Variants in TTLL3 observed in about 807,000 individuals in gnomAD.
The protein encoded by TTLL3 is tubulin tyrosine ligase like 3, also known as tubulin monoglycylase TTLL3.
In TTLL3, 63 loss-of-function variants were observed where a neutral mutation model predicts 75.2. The ratio of observed to expected loss-of-function variants is 0.84; its 90% CI spans 0.68 to 1.03. The LOEUF is 1.03. TTLL3 is among the 50% of genes least tolerant of loss of function. TTLL3 has a pLI of 0.00. For missense variants in TTLL3, 997 were observed against 1,069.9 expected (o/e 0.93, Z 0.95); for synonymous variants, 393 against 418.5 (o/e 0.94, Z 0.74).
chr3:9,810,705 T>A lies in TTLL3; in HGVS notation c.44T>A (p.Val15Asp). 1 of 1,585,652 alleles carries A rather than the reference T, an allele frequency of 6.3e-7. No individual in the cohort carries two copies. Among genetic ancestry groups the A allele is most frequent in the Admixed American group, 1.8e-5 (1 of 54,680 alleles). Residue 15 changes from valine (V) to aspartate (D), a missense_variant, in exon 2 of 14, where the codon GTC (valine) becomes GAC (aspartate). By Grantham distance (152) the Val-to-Asp change is radical (BLOSUM62 -3). Coordinates refer to ENST00000685419, the MANE Select transcript of TTLL3 (RefSeq NM_001387446.1). The surrounding 1 kb of genome is among the most constrained non-coding windows in gnomAD (Gnocchi z 4.4). ...RNAKIYVERA[V>D]KQKKIFTIQG... ...GCCAAAATCTACGTGGAGAGAGCTG[T>A]CAAGGTCAGAGGAGGGGCAGGGGCG... is the stretch of plus-strand genomic sequence containing the variant.
At chr3:9,810,256 G>T, upstream of TTLL3, 1 of 1,508,964 alleles carries the variant, frequency 6.6e-7, no homozygotes, top group Non-Finnish European at 8.8e-7. This position sits in a 1 kb window ranked among gnomAD's most constrained non-coding sequence, Gnocchi z 4.4. Flanking sequence ...CAGATGCCAG[G>T]CGGGCAGCCC....
At chr3:9,821,747 A>G (rs1207696669) in intron 8 of TTLL3, among the ~76,000 whole-genome samples, 1 of 152,250 alleles carries the variant, frequency 6.6e-6, no homozygotes, top group Non-Finnish European at 1.5e-5. Flanking sequence ...TCACGCCTGT[A>G]ATCCCAGCAC....
At chr3:9,817,318 G>A (rs946101919) in intron 5 of TTLL3, 1 of 519,074 alleles carries the variant, frequency 1.9e-6, no homozygotes. Context: ...CAGCTACTCT[G>A]GAGGCCGAGG....
At chr3:9,818,041 C>T in intron 6 of TTLL3, 1 of 324,444 alleles carries the variant, frequency 3.1e-6, no homozygotes, top group Non-Finnish European at 5.7e-6. Context: ...GAATCCAGAA[C>T]AGATTCCAGG....
chr3:9,827,474 C>G (rs542601573), intron 10 of TTLL3: 9 of 621,030 alleles, frequency 1.4e-5, no homozygotes, highest in Non-Finnish European at 2.1e-5. Flanking sequence ...ATGGTCACGG[C>G]TCACTGTAGC....
chr3:9,810,161 C>T (rs1162361137), upstream of TTLL3: 5 of 1,471,832 alleles, frequency 3.4e-6, no homozygotes, highest in Non-Finnish European at 4.5e-6. The surrounding 1 kb of genome is among the most constrained non-coding windows in gnomAD (Gnocchi z 4.4). Context: ...TTCCCCTCGG[C>T]GCGCCGCTCC....
At chr3:9,832,554 T>C (rs2124989435) in intron 11 of TTLL3, among the ~76,000 whole-genome samples, 1 of 152,320 alleles carries the variant, frequency 6.6e-6, no homozygotes, top group South Asian at 2.1e-4. Context: ...CTTGGCCTGA[T>C]AGGAACTGAG....
chr3:9,812,440 G>A (rs1470347551), intron 2 of TTLL3, among the ~76,000 whole-genome samples: 3 of 152,068 alleles, frequency 2.0e-5, no homozygotes, highest in African/African-American at 4.8e-5. Context: ...GCTCGAACCC[G>A]GGAGGTGGAG....
chr3:9,814,603 G>A (rs572718511), intron 4 of TTLL3, among the ~76,000 whole-genome samples: 35 of 149,026 alleles, frequency 2.3e-4, no homozygotes, highest in South Asian at 2.3e-3. Flanking sequence ...AGCTGAGATC[G>A]CGCCACTGCA....
At chr3:9,833,853 A>G (rs1481375740) in intron 12 of TTLL3, among the ~76,000 whole-genome samples, 1 of 151,812 alleles carries the variant, frequency 6.6e-6, no homozygotes, top group Non-Finnish European at 1.5e-5. Flanking sequence ...AAACAAAGAC[A>G]CAAAAAAAGC....
At position 9,829,250 on chromosome 3, in the gene TTLL3, T is replaced by C. The variant is rs2081316163; in HGVS notation, c.1538T>C (p.Ile513Thr). 1.2e-6 allele frequency: 2 copies of C among 1,614,178 alleles called. No homozygotes were observed. Among genetic ancestry groups the C allele is most frequent in the South Asian group, 1.1e-5 (1 of 91,084 alleles). The change falls in exon 11 of 14, where the codon ATC becomes ACC. Residue 513 changes from isoleucine to threonine, a missense_variant. Transcript: ENST00000685419. ...GEDFQPWLIE[I>T]NASPTMAPST... ...GACTTCCAGCCCTGGCTGATTGAGATCAACGCCAGCCCCACGATGGCACCC... is the reference window on the plus strand; with the variant it reads ...GACTTCCAGCCCTGGCTGATTGAGACCAACGCCAGCCCCACGATGGCACCC...
At chr3:9,819,538 G>T in intron 7 of TTLL3, 2 of 987,882 alleles carry the variant, frequency 2.0e-6, no homozygotes, top group Non-Finnish European at 2.4e-6. Flanking sequence ...GTGAAACTGG[G>T]CTTTACACAT....
At chr3:9,834,446 A>G (rs768341507) in intron 12 of TTLL3, 21 of 719,166 alleles carry the variant, frequency 2.9e-5, no homozygotes, top group Non-Finnish European at 4.5e-5. Flanking sequence ...CAGGAAGTTT[A>G]AGGAAGTTGC....
At chr3:9,828,230 T>C (rs369562121) in intron 10 of TTLL3, 1 of 151,964 alleles carries the variant, frequency 6.6e-6, no homozygotes, top group East Asian at 1.9e-4. Flanking sequence ...TCAGGAGTTT[T>C]GAAAACTAAG....
At position 9,835,767 on chromosome 3, in the gene TTLL3, C is replaced by T. The variant is rs537071941; in HGVS notation, c.*278C>T. The T allele has an allele frequency of 1.2e-5, 5 of 427,288 alleles. No individual in the cohort carries two copies. Among genetic ancestry groups the T allele is most frequent in the Middle Eastern group, 6.0e-4 (1 of 1,670 alleles). The allele number at this position is 427,288 out of a possible 1,614,324, so 26.5% of individuals were successfully genotyped here. ...GCCAAGCTAGCAGAATGACACCTAC[C>T]GGGCATAGGAACGTTAATGCCATGA... On this transcript the variant is annotated 3_prime_UTR_variant, in exon 14 of 14. Coordinates refer to ENST00000685419, the MANE Select transcript of TTLL3 (RefSeq NM_001387446.1).
At chr3:9,825,735 C>G (rs2080974859) in intron 8 of TTLL3, 65 bp from the exon 9 acceptor site, 1 of 1,613,362 alleles carries the variant, frequency 6.2e-7, no homozygotes, top group African/African-American at 1.3e-5. Flanking sequence ...AATATATCTC[C>G]CCCTGCCCTC....
intron 8 of TTLL3, chr3:9,825,452 A>T (rs575280486): frequency 2.9e-6 from 1 of 347,836 alleles, no homozygotes; most frequent in Non-Finnish European, 5.7e-6. Flanking sequence ...AATGCCTGGC[A>T]CATAGTGGTG....
At chr3:9,821,060 A>T in intron 8 of TTLL3, 1 of 327,728 alleles carries the variant, frequency 3.1e-6, no homozygotes, top group Non-Finnish European at 5.6e-6. Context: ...GTGGTCCATC[A>T]CATTTGGAAA....
intron 10 of TTLL3, chr3:9,828,620 G>A (rs899479069): frequency 1.7e-5 from 5 of 296,398 alleles, no homozygotes; most frequent in East Asian, 7.2e-5. Context: ...TGGAGATGGC[G>A]CTTGAACACG....
Sources: gnomAD v4.1 joint callset for allele counts (sites outside exome capture counted in the v4.1 genomes callset) on GRCh38, gnomAD v4.1.1 for gene constraint, Gnocchi (gnomAD v3.1) non-coding constraint, MANE v1.5 for transcripts, NCBI Gene and HGNC (gene_info 2026-07-23, HGNC 2026-07-21) for gene names.